The following PIGN variants were observed in gnomAD, a reference collection of about 807,000 sequenced individuals.
PIGN encodes the protein GPI ethanolamine phosphate transferase 1.
A neutral mutation model predicts 125.4 loss-of-function variants in PIGN; 117 were observed. That is an observed-to-expected ratio of 0.93 (90% confidence interval 0.80 to 1.09). The LOEUF (loss-of-function observed/expected upper bound fraction) is 1.09. Ranked by LOEUF, PIGN falls within the 50% of genes least tolerant of loss-of-function variation. The probability of loss-of-function intolerance (pLI) is 0.00; values close to 1 mark genes in which losing one functional copy is unlikely to be tolerated. For synonymous variants in PIGN, 392 were observed against 377.8 expected, an observed-to-expected ratio of 1.04 and a Z score of -0.44; for missense variants, 1,075 against 1,094.9, an observed-to-expected ratio of 0.98 and a Z score of 0.26.
chr18:62,146,846 G>C (rs2036348051), intron 9 of PIGN, 125 bp downstream of exon 9: 1 of 874,690 alleles, frequency 1.1e-6, no homozygotes, highest in South Asian at 3.0e-5. Context: ...TTTAAGCACA[G>C]AATTATGTGC....
At chr18:62,157,870 T>G (rs2036798655) in intron 4 of PIGN, 62 bp from the exon 5 acceptor site, 1 of 1,431,492 alleles carries the variant, frequency 7.0e-7, no homozygotes, top group Non-Finnish European at 9.6e-7. Context: ...CACATAAAGC[T>G]TTAGAAACAT....
chr18:62,138,921 T>C, intron 13 of PIGN, 62 bp downstream of exon 13: 1 of 778,752 alleles, frequency 1.3e-6, no homozygotes, highest in Non-Finnish European at 2.1e-6. Context: ...CCTAAATATA[T>C]TCAATATTTA....
At chr18:62,040,846 G>A (rs995075877), downstream of PIGN, among the ~76,000 whole-genome samples, 21 of 152,162 alleles carry the variant, frequency 1.4e-4, no homozygotes, top group African/African-American at 4.3e-4. Context: ...TGGTCCCTTC[G>A]TTAATCACAT....
chr18:62,050,015 T>C (rs1355682019), intron 30 of PIGN, among the ~76,000 whole-genome samples: 1 of 151,814 alleles, frequency 6.6e-6, no homozygotes, highest in Non-Finnish European at 1.5e-5. Context: ...GTTGTAGATA[T>C]GTGGTGTTAT....
chr18:62,019,127 C>G (rs2030021410), intron 23 of PIGN, among the ~76,000 whole-genome samples: 1 of 152,120 alleles, frequency 6.6e-6, no homozygotes, highest in Admixed American at 6.6e-5. Context: ...GAGGATCCCT[C>G]AAGTCTAGGA....
chr18:62,142,982 T>C (rs545882094), intron 11 of PIGN, among the ~76,000 whole-genome samples: 2 of 152,328 alleles, frequency 1.3e-5, no homozygotes, highest in African/African-American at 2.4e-5. Flanking sequence ...GGAATTTTAA[T>C]AGATCTGTGC....
chr18:62,103,632 A>C (rs2034531107), intron 20 of PIGN: 1 of 152,240 alleles, frequency 6.6e-6, no homozygotes, highest in Non-Finnish European at 1.5e-5. Context: ...AATTATGCTG[A>C]GGATGAAATC....
intron 28 of PIGN, among the ~76,000 whole-genome samples, chr18:62,080,967 C>G (rs148472994): frequency 1.3e-5 from 2 of 152,056 alleles, no homozygotes; most frequent in East Asian, 3.9e-4. Context: ...CACTGAGACA[C>G]TAGATAAATT....
chr18:62,064,144 A>C (rs1424721788), intron 30 of PIGN, among the ~76,000 whole-genome samples: 1 of 152,246 alleles, frequency 6.6e-6, no homozygotes, highest in Non-Finnish European at 1.5e-5. Flanking sequence ...ACTTGGCATA[A>C]TGTTTCCTGT....
chr18:62,180,421 C>G (rs976299914), intron 1 of PIGN, among the ~76,000 whole-genome samples: 7 of 152,244 alleles, frequency 4.6e-5, no homozygotes, highest in Admixed American at 3.3e-4. Flanking sequence ...TTCAACTTTA[C>G]AAGTGACTGG....
intron 1 of PIGN, among the ~76,000 whole-genome samples, chr18:62,176,203 A>G (rs62096114): frequency 0.28 from 42,318 of 151,916 alleles, 6,986 homozygotes; most frequent in East Asian, 0.58. Flanking sequence ...ATGACTTATT[A>G]TCCTTATCTC....
chr18:62,051,952 A>G (rs1414499066), intron 30 of PIGN: 2 of 151,906 alleles, frequency 1.3e-5, no homozygotes, highest in Non-Finnish European at 2.9e-5. Flanking sequence ...CCTTCCTTTC[A>G]TTATGTACCC....
intron 7 of PIGN, among the ~76,000 whole-genome samples, chr18:62,151,068 T>A (rs948242657): frequency 6.6e-6 from 1 of 152,218 alleles, no homozygotes; most frequent in Non-Finnish European, 1.5e-5. Context: ...ATTAGCTGCA[T>A]AACAACATGA....
chr18:62,138,163 A>C, intron 14 of PIGN, 80 bp downstream of exon 14: 2 of 1,511,924 alleles, frequency 1.3e-6, no homozygotes, highest in South Asian at 2.6e-5. Context: ...AAGTAAACTA[A>C]TCCTATCACT....
At chr18:62,101,044 A>T in intron 22 of PIGN, 31 bp downstream of exon 22, 2 of 1,146,054 alleles carry the variant, frequency 1.7e-6, no homozygotes, top group Non-Finnish European at 2.7e-6. Context: ...TTGATGTCAA[A>T]TTACCTCACC....
At chr18:62,096,270 G>A (rs1168839750) in intron 22 of PIGN, among the ~76,000 whole-genome samples, 2 of 151,878 alleles carry the variant, frequency 1.3e-5, no homozygotes, top group Non-Finnish European at 2.9e-5. Flanking sequence ...ACTCCAGCCT[G>A]GGTGACAAGA....
At chr18:62,026,787 G>A (rs1265548739) in intron 23 of PIGN, among the ~76,000 whole-genome samples, 1 of 152,232 alleles carries the variant, frequency 6.6e-6, no homozygotes, top group Admixed American at 6.5e-5. Flanking sequence ...AGTTCCCAGG[G>A]AAGTAGGAAG....
At position 62,095,873 on chromosome 18, in the gene PIGN, A is replaced by C; in HGVS notation, c.2155T>G (p.Ser719Ala). ...RLFSILLSLM[S>A]TYLLLSTGYE... ...CCTGTGCTTAGAAGTAGGTAGGTTG[A>C]CATCAATGAAAGAAGTATGCTGAAC... Residue 719 changes from serine (S) to alanine (A), a missense_variant, in exon 23 of 31, where the codon TCA (serine) becomes GCA (alanine). Ser to Ala is a moderately conservative substitution (Grantham distance 99). Around this residue, in one of 3 missense-constraint regions of PIGN, gnomAD observed 915 missense variants for 908.7 expected, o/e 1.01. Coordinates refer to ENST00000640252, the MANE Select transcript of PIGN (RefSeq NM_176787.5). The C allele has an allele frequency of 6.2e-7, 1 of 1,610,898 alleles. No individual in the cohort carries two copies. The highest frequency in any genetic ancestry group is 1.3e-5 in the African/African-American group (1 of 75,006).
In PIGN at chr18:62,157,777, T is replaced by C. The variant is rs202066215; in HGVS notation, c.253A>G (p.Ile85Val). The C allele has an allele frequency of 1.8e-4, 292 of 1,611,986 alleles. No homozygotes were observed. The highest frequency in any genetic ancestry group is 2.3e-4 in the Non-Finnish European group (277 of 1,178,800). ...NIIMHEGSWG[I>V]SHTRVPTESR... ...TCTGTTGGCACACGTGTATGAGATA[T>C]GCCCCAGCTGCCTTCATGCATTATG... Residue 85 changes from isoleucine to valine, a missense_variant, in exon 5 of 31, where the codon ATA becomes GTA. By Grantham distance (29) the Ile-to-Val change is conservative. Transcript: ENST00000640252.
Sources: allele counts gnomAD v4.1 joint callset (sites outside exome capture counted in the v4.1 genomes callset), GRCh38; gene constraint gnomAD v4.1.1; regional missense constraint gnomAD v4.1.1; transcripts MANE v1.5; gene names NCBI Gene and HGNC (gene_info 2026-07-23, HGNC 2026-07-21).